KLHL14: variants seen among roughly 807,000 people sequenced by gnomAD.
The protein encoded by KLHL14 is kelch-like protein 14.
In KLHL14, 22 loss-of-function variants were observed where a neutral mutation model predicts 64.3. The ratio of observed to expected loss-of-function variants is 0.34; its 90% CI spans 0.24 to 0.49. The LOEUF (loss-of-function observed/expected upper bound fraction) is 0.49, where lower values mean the gene tolerates loss of function less well. Among genes scored for constraint, KLHL14 ranks in the 20% least tolerant of loss-of-function variants. KLHL14 has a pLI of 0.99. For missense variants in KLHL14, 661 were observed against 789.0 expected, an observed-to-expected ratio of 0.84 and a Z score of 1.94; for synonymous variants, 322 against 333.4, an observed-to-expected ratio of 0.97 and a Z score of 0.37.
rs1357633452 is a variant in KLHL14 at position 32,751,249 on chromosome 18, C to T, written c.948-9200G>A. ...GCTGCTACCCTTCTCTTAAAATTTT[C>T]CAGCGAAGTAAACTCCTTTGAGAGT... On this transcript the variant is annotated intron_variant, in intron 2 of 8. Coordinates refer to ENST00000359358, the MANE Select transcript of KLHL14 (RefSeq NM_020805.3). 2.6e-5 allele frequency among the ~76,000 whole-genome samples: 4 copies of T among 152,212 alleles called. No homozygotes were observed. In the East Asian group the frequency reaches 7.7e-4, roughly 29 times the overall value.
intron 3 of KLHL14, among the ~76,000 whole-genome samples, chr18:32,704,388 T>C (rs1373170083): frequency 6.6e-6 from 1 of 152,140 alleles, no homozygotes; most frequent in African/African-American, 2.4e-5. Flanking sequence ...ACTCTAGTTG[T>C]TCACTTGAAA....
intron 2 of KLHL14, among the ~76,000 whole-genome samples, chr18:32,748,911 T>C (rs1598575267): frequency 1.3e-5 from 2 of 152,328 alleles, no homozygotes; most frequent in South Asian, 2.1e-4. Flanking sequence ...AAAACAGTGC[T>C]AAATAAATGC....
At chr18:32,731,692 C>T (rs139659160) in intron 3 of KLHL14, among the ~76,000 whole-genome samples, 1 of 151,814 alleles carries the variant, frequency 6.6e-6, no homozygotes, top group African/African-American at 2.4e-5. Context: ...TGTTGAAAAC[C>T]ATCCTGTTCT....
chr18:32,751,276 T>C (rs2050250107), intron 2 of KLHL14, among the ~76,000 whole-genome samples: 2 of 152,224 alleles, frequency 1.3e-5, no homozygotes, highest in Non-Finnish European at 2.9e-5. Context: ...TTTGAGAGTT[T>C]GTTCCAGCTG....
At chr18:32,722,484 G>T (rs1257476438) in intron 3 of KLHL14, among the ~76,000 whole-genome samples, 1 of 152,180 alleles carries the variant, frequency 6.6e-6, no homozygotes, top group Non-Finnish European at 1.5e-5. Context: ...GGGAGCCACA[G>T]TACTGAAGAC....
intron 3 of KLHL14, among the ~76,000 whole-genome samples, chr18:32,700,432 C>T (rs574642406): frequency 2.0e-5 from 3 of 152,056 alleles, no homozygotes; most frequent in Non-Finnish European, 4.4e-5. Context: ...CTCGGCCCAC[C>T]CTCAGCCTTT....
chr18:32,770,256 G>T lies in KLHL14; in HGVS notation c.336C>A (p.Asp112Glu), dbSNP rs762628546. 6 of 1,595,568 alleles carry T rather than the reference G, an allele frequency of 3.8e-6. No homozygotes were observed. The highest frequency in any genetic ancestry group is 3.4e-5 in the South Asian group (3 of 87,964). Residue 112 changes from aspartate to glutamate, a missense_variant, in exon 2 of 9, where the codon GAC becomes GAA. By Grantham distance (45) the Asp-to-Glu change is conservative. Transcript: ENST00000359358. The surrounding 1 kb of genome is among the most constrained non-coding windows in gnomAD (Gnocchi z 6.7). ...CCCGGGGGCTGGTCAGCAGCTTGTC[G>T]TCGGGGGAGGAAGAAGGAGTCCCGG... Reference protein sequence around the residue: ...EEPGTPSSSPDDKLLTSPRAI... With the variant: ...EEPGTPSSSPEDKLLTSPRAI...
At chr18:32,711,131 C>A (rs2050017116) in intron 3 of KLHL14, among the ~76,000 whole-genome samples, 1 of 151,978 alleles carries the variant, frequency 6.6e-6, no homozygotes, top group Non-Finnish European at 1.5e-5. Context: ...GTGTGGAAAT[C>A]CAACAAAAGA....
intron 4 of KLHL14, 49 bp downstream of exon 4, chr18:32,695,414 T>C: frequency 2.6e-6 from 3 of 1,135,146 alleles, no homozygotes; most frequent in Non-Finnish European, 4.0e-6. Flanking sequence ...ATGCCCTTCA[T>C]TACACACATA....
intron 3 of KLHL14, among the ~76,000 whole-genome samples, chr18:32,700,432 C>G (rs574642406): frequency 1.1e-4 from 16 of 152,174 alleles, no homozygotes; most frequent in African/African-American, 2.9e-4. Context: ...CTCGGCCCAC[C>G]CTCAGCCTTT....
chr18:32,743,736 G>A (rs1568080641), intron 2 of KLHL14: 5 of 152,234 alleles, frequency 3.3e-5, no homozygotes, highest in African/African-American at 1.2e-4. Flanking sequence ...GAGGATTTCA[G>A]TGATTGGGGT....
Position 32,683,155 on chromosome 18 carries a change from G to A in KLHL14, c.1239-2556C>T, listed in dbSNP as rs897131774. 6.6e-6 allele frequency among the ~76,000 whole-genome samples: 1 copy of A among 151,798 alleles called. No homozygotes were observed. Among genetic ancestry groups the A allele is most frequent in the Admixed American group, 6.6e-5 (1 of 15,242 alleles). ...TTTATGATCTGGTTCCTTCCTCACC[G>A]TGACACCTGGTCAGCCTGTCAGAAC... is the stretch of plus-strand genomic sequence containing the variant. On this transcript the variant is annotated intron_variant, in intron 5 of 8. Coordinates refer to ENST00000359358, the MANE Select transcript of KLHL14 (RefSeq NM_020805.3). The surrounding 1 kb of genome is among the most constrained non-coding windows in gnomAD (Gnocchi z 4.2).
intron 2 of KLHL14, among the ~76,000 whole-genome samples, chr18:32,759,550 G>A (rs1302678215): frequency 3.3e-5 from 5 of 152,302 alleles, no homozygotes; most frequent in East Asian, 3.9e-4. Context: ...CATTTTATGG[G>A]TAAGGCGTCT....
intron 2 of KLHL14, among the ~76,000 whole-genome samples, chr18:32,750,072 T>C (rs1161470213): frequency 6.6e-6 from 1 of 150,812 alleles, no homozygotes; most frequent in African/African-American, 2.5e-5. Context: ...GTGTGTGCTC[T>C]CCTCTCTCTT....
chr18:32,693,086 A>G (rs967260380), intron 4 of KLHL14, among the ~76,000 whole-genome samples: 7 of 152,132 alleles, frequency 4.6e-5, no homozygotes, highest in Non-Finnish European at 1.0e-4. Flanking sequence ...CTGGCTGCTG[A>G]ATGCTGGCTG....
chr18:32,757,508 G>A (rs2050288107), intron 2 of KLHL14, among the ~76,000 whole-genome samples: 1 of 152,028 alleles, frequency 6.6e-6, no homozygotes, highest in South Asian at 2.1e-4. Flanking sequence ...GCTGTTTTTT[G>A]TTTTGTTTTC....
chr18:32,684,695 C>T (rs144553366), intron 5 of KLHL14, among the ~76,000 whole-genome samples: 112 of 115,658 alleles, frequency 9.7e-4, no homozygotes, highest in Middle Eastern at 6.3e-3. Flanking sequence ...AGAGGGTAGG[C>T]GGGGAACTTC....
chr18:32,763,577 G>T (rs572949704), intron 2 of KLHL14, among the ~76,000 whole-genome samples: 15 of 152,248 alleles, frequency 9.9e-5, no homozygotes, highest in African/African-American at 3.6e-4. Flanking sequence ...CTTAAAGGGT[G>T]CTGTAAAGAT....
At chr18:32,741,817 G>T in intron 3 of KLHL14, 111 bp downstream of exon 3, 2 of 1,240,268 alleles carry the variant, frequency 1.6e-6, no homozygotes, top group Non-Finnish European at 2.2e-6. Context: ...CTCCAAAGGG[G>T]AACAAATCAA....
Sources: gnomAD v4.1 joint callset for allele counts (sites outside exome capture counted in the v4.1 genomes callset) on GRCh38, gnomAD v4.1.1 for gene constraint, Gnocchi (gnomAD v3.1) non-coding constraint, MANE v1.5 for transcripts, NCBI Gene and HGNC (gene_info 2026-07-23, HGNC 2026-07-21) for gene names.